The following KCNAB1 variants were observed in gnomAD, a reference collection of about 807,000 sequenced individuals.
The protein encoded by KCNAB1 is voltage-gated potassium channel subunit beta-1.
A neutral mutation model predicts 64.6 loss-of-function variants in KCNAB1; 35 were observed. The ratio of observed to expected loss-of-function variants is 0.54; its 90% CI spans 0.41 to 0.72. The LOEUF (loss-of-function observed/expected upper bound fraction) is 0.72. KCNAB1 is among the 30% of genes least tolerant of loss of function. The pLI, the probability that KCNAB1 is intolerant of heterozygous loss-of-function variation, is 0.00. For synonymous variants in KCNAB1, 177 were observed against 183.8 expected (o/e 0.96, Z 0.30); for missense variants, 401 against 512.9 (o/e 0.78, Z 2.11).
intron 1 of KCNAB1, among the ~76,000 whole-genome samples, chr3:156,370,034 G>C (rs1320899262): frequency 6.6e-6 from 1 of 152,174 alleles, no homozygotes; most frequent in Non-Finnish European, 1.5e-5. Flanking sequence ...CATAAAAAGG[G>C]ACAATATAAT....
At chr3:156,405,896 G>T (rs1411919611) in intron 1 of KCNAB1, among the ~76,000 whole-genome samples, 1 of 151,994 alleles carries the variant, frequency 6.6e-6, no homozygotes, top group Admixed American at 6.6e-5. Flanking sequence ...CATTTCTGAA[G>T]TTTTCTTTTA....
intron 8 of KCNAB1, among the ~76,000 whole-genome samples, chr3:156,506,329 AG>A (rs2108377012): frequency 6.6e-6 from 1 of 152,302 alleles, no homozygotes; most frequent in East Asian, 1.9e-4. Context: ...TTTGGAACTC[AG>A]GGGTACTTAA....
At chr3:156,395,487 G>A (rs2108177433) in intron 1 of KCNAB1, among the ~76,000 whole-genome samples, 1 of 132,350 alleles carries the variant, frequency 7.6e-6, no homozygotes, top group Non-Finnish European at 1.6e-5. Flanking sequence ...GGAGCTTGCA[G>A]TGAGCCGAGA....
At chr3:156,372,531 A>G (rs1248950108) in intron 1 of KCNAB1, among the ~76,000 whole-genome samples, 2 of 152,202 alleles carry the variant, frequency 1.3e-5, no homozygotes, top group Non-Finnish European at 2.9e-5. Context: ...GCAAGCTCCC[A>G]GGTAATACTG....
intron 8 of KCNAB1, among the ~76,000 whole-genome samples, chr3:156,511,261 G>A (rs996163524): frequency 5.9e-5 from 9 of 151,888 alleles, no homozygotes; most frequent in African/African-American, 1.2e-4. Flanking sequence ...CCGCCACCAC[G>A]CCCGGCTAAT....
intron 8 of KCNAB1, among the ~76,000 whole-genome samples, chr3:156,476,684 G>C (rs1388492985): frequency 2.0e-5 from 3 of 152,046 alleles, no homozygotes; most frequent in Non-Finnish European, 4.4e-5. Context: ...GAATTGTGCT[G>C]CTGTAAACAC....
At chr3:156,248,181 T>C (rs1717579774) in intron 1 of KCNAB1, among the ~76,000 whole-genome samples, 1 of 152,246 alleles carries the variant, frequency 6.6e-6, no homozygotes, top group African/African-American at 2.4e-5. Flanking sequence ...AATGAAACTA[T>C]ATTCCATATT....
chr3:156,476,696 C>A (rs181529878), intron 8 of KCNAB1, among the ~76,000 whole-genome samples: 1 of 152,044 alleles, frequency 6.6e-6, no homozygotes, highest in African/African-American at 2.4e-5. Context: ...TGTAAACACG[C>A]GTGTTCTTTA....
chr3:156,308,941 T>A (rs1463663097), intron 1 of KCNAB1, among the ~76,000 whole-genome samples: 1 of 152,188 alleles, frequency 6.6e-6, no homozygotes, highest in African/African-American at 2.4e-5. Context: ...ACACTTGTAC[T>A]GATAATTTAT....
At chr3:156,243,758 G>GAAA (rs1249565717) in intron 1 of KCNAB1, among the ~76,000 whole-genome samples, 1 of 152,232 alleles carries the variant, frequency 6.6e-6, no homozygotes, top group Non-Finnish European at 1.5e-5. Flanking sequence ...TTGGCTAAGA[G>GAAA]AAAAACTTGT....
chr3:156,215,533 T>C (rs1715264704), intron 1 of KCNAB1: 1 of 152,132 alleles, frequency 6.6e-6, no homozygotes, highest in Non-Finnish European at 1.5e-5. Flanking sequence ...GACTTGGGGG[T>C]TGGTGGTACA....
intron 1 of KCNAB1, among the ~76,000 whole-genome samples, chr3:156,286,513 C>T (rs960384908): frequency 4.6e-5 from 7 of 152,080 alleles, no homozygotes; most frequent in African/African-American, 2.4e-5. Context: ...TCTGAGTGGA[C>T]CCAGCAAAAA....
chr3:156,419,281 T>C (rs962337471), intron 1 of KCNAB1, among the ~76,000 whole-genome samples: 6 of 152,040 alleles, frequency 3.9e-5, no homozygotes, highest in African/African-American at 1.4e-4. Flanking sequence ...GGCAGGTGGA[T>C]CACGAGGTCA....
At chr3:156,312,729 A>AAAAAAAAAAAAAAAAAAC (rs1560189800) in intron 1 of KCNAB1, among the ~76,000 whole-genome samples, 4 of 150,096 alleles carry the variant, frequency 2.7e-5, no homozygotes, top group Non-Finnish European at 5.9e-5. Context: ...AAAAAAAAAA[A>AAAAAAAAAAAAAAAAAAC]AACTCATAAT....
At chr3:156,335,567 T>G (rs567217689) in intron 1 of KCNAB1, among the ~76,000 whole-genome samples, 1 of 152,352 alleles carries the variant, frequency 6.6e-6, no homozygotes, top group Admixed American at 6.5e-5. Flanking sequence ...TTGTTAAACA[T>G]ATTAATCCAT....
At chr3:156,284,868 G>T (rs1719999787) in intron 1 of KCNAB1, among the ~76,000 whole-genome samples, 1 of 152,172 alleles carries the variant, frequency 6.6e-6, no homozygotes, top group Non-Finnish European at 1.5e-5. Context: ...CCACAGTCTG[G>T]CACTCCCTAG....
At chr3:156,198,162 A>G (rs1391169802) in intron 1 of KCNAB1, among the ~76,000 whole-genome samples, 5 of 152,124 alleles carry the variant, frequency 3.3e-5, no homozygotes, top group African/African-American at 7.2e-5. Flanking sequence ...ACTGTTTGTT[A>G]TGATTTTTAT....
chr3:156,370,619 G>T (rs1316308392), intron 1 of KCNAB1, among the ~76,000 whole-genome samples: 1 of 152,198 alleles, frequency 6.6e-6, no homozygotes, highest in Non-Finnish European at 1.5e-5. Flanking sequence ...AAGGGAAGGG[G>T]ATATGATACA....
intron 1 of KCNAB1, among the ~76,000 whole-genome samples, chr3:156,388,532 T>G (rs1712788671): frequency 6.6e-6 from 1 of 152,236 alleles, no homozygotes; most frequent in Admixed American, 6.5e-5. Flanking sequence ...CAGTCTGTCT[T>G]CTTGGGAAGT....
Sources: gnomAD v4.1 joint callset for allele counts (sites outside exome capture counted in the v4.1 genomes callset) on GRCh38, gnomAD v4.1.1 for gene constraint, MANE v1.5 for transcripts, NCBI Gene and HGNC (gene_info 2026-07-23, HGNC 2026-07-21) for gene names.